UNC13C: variants seen among roughly 807,000 people sequenced by gnomAD.
UNC13C encodes the protein protein unc-13 homolog C.
UNC13C carries 174 observed loss-of-function variants against 245.4 expected under a neutral mutation model. The ratio of observed to expected loss-of-function variants is 0.71; its 90% CI spans 0.63 to 0.80. The LOEUF is 0.80. Ranked by LOEUF, UNC13C falls within the 30% of genes least tolerant of loss-of-function variation. The pLI, the probability that UNC13C is intolerant of heterozygous loss-of-function variation, is 0.00. For synonymous variants in UNC13C, 992 were observed against 895.1 expected (o/e 1.11, Z -1.93); for missense variants, 2,829 against 2,602.9 (o/e 1.09, Z -1.89).
chr15:54,509,903 A>C (rs1221288167), intron 23 of UNC13C, among the ~76,000 whole-genome samples: 5 of 152,188 alleles, frequency 3.3e-5, no homozygotes, highest in Non-Finnish European at 2.9e-5. Flanking sequence ...TTCCCTCCGG[A>C]TAACTGCATC....
the UNC13C span, among the ~76,000 whole-genome samples, chr15:53,853,339 A>G: frequency 6.6e-5 from 10 of 152,042 alleles, no homozygotes; most frequent in Non-Finnish European, 2.9e-5. Flanking sequence ...GATCTTGTTT[A>G]TTTTTATGGT....
intron 19 of UNC13C, among the ~76,000 whole-genome samples, chr15:54,445,932 C>T (rs1048256880): frequency 3.9e-5 from 6 of 152,094 alleles, no homozygotes; most frequent in African/African-American, 1.4e-4. Flanking sequence ...TTAGGTCTAA[C>T]ATTTAAGTCT....
intron 4 of UNC13C, among the ~76,000 whole-genome samples, chr15:54,227,634 C>T (rs2035429120): frequency 6.6e-6 from 1 of 152,194 alleles, no homozygotes; most frequent in Non-Finnish European, 1.5e-5. Context: ...TTGGCTTCAG[C>T]CTTGTTCCAA....
chr15:54,255,212 A>T (rs1172545058), intron 8 of UNC13C, among the ~76,000 whole-genome samples: 1 of 152,116 alleles, frequency 6.6e-6, no homozygotes, highest in Non-Finnish European at 1.5e-5. Flanking sequence ...CCCCTCCCTT[A>T]TCGCAAGGAC....
At chr15:54,256,264 A>T (rs2036276747) in intron 8 of UNC13C, among the ~76,000 whole-genome samples, 1 of 152,174 alleles carries the variant, frequency 6.6e-6, no homozygotes, top group Admixed American at 6.5e-5. Context: ...GGATGACTAT[A>T]GGGCATCTCG....
chr15:54,016,984 A>G (rs552005638), intron 2 of UNC13C, among the ~76,000 whole-genome samples: 11 of 152,328 alleles, frequency 7.2e-5, no homozygotes, highest in Non-Finnish European at 1.6e-4. Context: ...TGTCTTGACC[A>G]AAGCTGTGAT....
chr15:54,334,820 T>C (rs2038531002), intron 16 of UNC13C, among the ~76,000 whole-genome samples: 1 of 152,146 alleles, frequency 6.6e-6, no homozygotes, highest in Non-Finnish European at 1.5e-5. Flanking sequence ...ATGTCTGCCA[T>C]TGACACTGAG....
intron 1 of UNC13C, among the ~76,000 whole-genome samples, chr15:53,987,656 T>C (rs1243609989): frequency 6.6e-6 from 1 of 152,014 alleles, no homozygotes; most frequent in Non-Finnish European, 1.5e-5. Flanking sequence ...CAATTGGCTC[T>C]GAAAGAAGAT....
chr15:53,966,470 A>G, the UNC13C span, among the ~76,000 whole-genome samples: 1 of 152,196 alleles, frequency 6.6e-6, no homozygotes, highest in Non-Finnish European at 1.5e-5. Flanking sequence ...AAATGTTTAT[A>G]GCAGATTATA....
At chr15:53,946,673 GT>G in the UNC13C span, among the ~76,000 whole-genome samples, 33,715 of 99,288 alleles carry the variant, frequency 0.34, 4,934 homozygotes, top group African/African-American at 0.39. Flanking sequence ...GTGAGCTGAG[GT>G]TTTTTTTTTT....
chr15:54,554,728 C>T lies in UNC13C; in HGVS notation c.5878-704C>T, dbSNP rs114361021. ...ATTGTATCAGTTTTGGGGGATCAGA[C>T]ATTTTTAAATTTTTCCCTTAGTTTT... On this transcript the variant is annotated intron_variant, in intron 28 of 32. Transcript: ENST00000260323. Among the ~76,000 whole-genome samples, 1,237 of 152,046 alleles carry T rather than the reference C, an allele frequency of 8.1e-3. 5 individuals are homozygous for T. Among genetic ancestry groups the T allele is most frequent in the Middle Eastern group, 0.02 (6 of 294 alleles).
chr15:54,451,247 G>A (rs1418586010), intron 19 of UNC13C, among the ~76,000 whole-genome samples: 1 of 151,972 alleles, frequency 6.6e-6, no homozygotes, highest in Non-Finnish European at 1.5e-5. Context: ...ACTTTATTTT[G>A]CTTTTATTTA....
intron 4 of UNC13C, among the ~76,000 whole-genome samples, chr15:54,152,861 A>G (rs2032582006): frequency 6.6e-6 from 1 of 151,510 alleles, no homozygotes; most frequent in African/African-American, 2.4e-5. Flanking sequence ...TAGAGAGAAA[A>G]AAAAAAGAGG....
chr15:54,079,645 T>C (rs952296619), intron 2 of UNC13C, among the ~76,000 whole-genome samples: 1 of 152,110 alleles, frequency 6.6e-6, no homozygotes, highest in African/African-American at 2.4e-5. Flanking sequence ...GCAATTGATT[T>C]TTGTGCATTA....
At chr15:54,457,637 C>G (rs748225314) in intron 19 of UNC13C, among the ~76,000 whole-genome samples, 2 of 151,916 alleles carry the variant, frequency 1.3e-5, no homozygotes, top group Non-Finnish European at 2.9e-5. Context: ...TATCCATATC[C>G]TCTACGTTTT....
intron 19 of UNC13C, among the ~76,000 whole-genome samples, chr15:54,456,189 A>G (rs891997614): frequency 2.0e-5 from 3 of 152,102 alleles, no homozygotes; most frequent in Non-Finnish European, 4.4e-5. Flanking sequence ...TGGGTTCTCT[A>G]TTCTGTTCCA....
chr15:54,584,734 A>G (rs140265200), intron 30 of UNC13C, among the ~76,000 whole-genome samples: 5 of 152,380 alleles, frequency 3.3e-5, no homozygotes, highest in African/African-American at 9.6e-5. Flanking sequence ...CACTGTGCAG[A>G]GCACACCTGT....
chr15:54,024,519 T>C (rs1430289474), intron 2 of UNC13C, among the ~76,000 whole-genome samples: 1 of 152,126 alleles, frequency 6.6e-6, no homozygotes, highest in Non-Finnish European at 1.5e-5. Flanking sequence ...CTAAAGATAG[T>C]AGCTTAGGTT....
chr15:54,383,244 C>A (rs2039765441), intron 17 of UNC13C, among the ~76,000 whole-genome samples: 1 of 152,078 alleles, frequency 6.6e-6, no homozygotes, highest in Non-Finnish European at 1.5e-5. Flanking sequence ...CACAAAAAAG[C>A]TATAGACCAA....
Sources: gnomAD v4.1 joint callset for allele counts (sites outside exome capture counted in the v4.1 genomes callset) on GRCh38, gnomAD v4.1.1 for gene constraint, MANE v1.5 for transcripts, NCBI Gene and HGNC (gene_info 2026-07-23, HGNC 2026-07-21) for gene names.